PTPRN2: variants seen among roughly 807,000 people sequenced by gnomAD.
The protein encoded by PTPRN2 is receptor-type tyrosine-protein phosphatase N2.
PTPRN2 carries 74 observed loss-of-function variants against 118.8 expected under a neutral mutation model. The ratio of observed to expected loss-of-function variants is 0.62; its 90% CI spans 0.52 to 0.76. PTPRN2 has a LOEUF of 0.76. PTPRN2 is among the 30% of genes least tolerant of loss of function. The pLI, the probability that PTPRN2 is intolerant of heterozygous loss-of-function variation, is 0.00. For missense variants in PTPRN2, 1,481 were observed against 1,394.4 expected (o/e 1.06, Z -0.99); for synonymous variants, 641 against 608.0 (o/e 1.05, Z -0.80).
intron 22 of PTPRN2, among the ~76,000 whole-genome samples, chr7:157,544,060 C>T (rs918758820): frequency 2.7e-5 from 4 of 146,450 alleles, no homozygotes; most frequent in Non-Finnish European, 4.5e-5. Flanking sequence ...TGGAGAGAGA[C>T]GGAGAGAGGT....
chr7:158,175,030 G>A (rs2150632221), intron 5 of PTPRN2, among the ~76,000 whole-genome samples: 1 of 152,304 alleles, frequency 6.6e-6, no homozygotes, highest in Admixed American at 6.5e-5. Context: ...GGAGGTCCGG[G>A]GAGTCCCACA....
intron 5 of PTPRN2, among the ~76,000 whole-genome samples, chr7:158,173,781 G>T (rs1373870465): frequency 6.6e-6 from 1 of 152,192 alleles, no homozygotes; most frequent in Non-Finnish European, 1.5e-5. Context: ...ATTATTCCTT[G>T]CTGGGAAAAG....
intron 12 of PTPRN2, among the ~76,000 whole-genome samples, chr7:157,758,828 C>T (rs1397841243): frequency 6.6e-6 from 1 of 152,164 alleles, no homozygotes; most frequent in Non-Finnish European, 1.5e-5. Context: ...TCACGGGACT[C>T]CTAGTGGCTC....
intron 11 of PTPRN2, among the ~76,000 whole-genome samples, chr7:157,909,105 A>G (rs935184788): frequency 2.0e-5 from 3 of 152,208 alleles, no homozygotes; most frequent in African/African-American, 7.2e-5. Context: ...TACTCAGCCA[A>G]ACCTTACCAG....
chr7:158,021,360 C>T (rs1371552079), intron 11 of PTPRN2, among the ~76,000 whole-genome samples: 5 of 152,124 alleles, frequency 3.3e-5, no homozygotes, highest in African/African-American at 4.8e-5. Flanking sequence ...AAGATAATGA[C>T]CAATGCATAT....
intron 2 of PTPRN2, among the ~76,000 whole-genome samples, chr7:158,393,779 G>A (rs1044237671): frequency 5.7e-4 from 86 of 152,202 alleles, no homozygotes; most frequent in African/African-American, 2.0e-3. Flanking sequence ...CTTCAAGGAA[G>A]CCCACACCGT....
chr7:157,788,810 C>T (rs1049131897), intron 12 of PTPRN2, among the ~76,000 whole-genome samples: 4 of 152,096 alleles, frequency 2.6e-5, no homozygotes, highest in African/African-American at 7.2e-5. Context: ...CTCTGCCACA[C>T]GTGAGGCTGC....
chr7:157,544,046 G>A (rs1446659406), intron 22 of PTPRN2, among the ~76,000 whole-genome samples: 1 of 152,008 alleles, frequency 6.6e-6, no homozygotes, highest in Admixed American at 6.6e-5. Flanking sequence ...GAGACGGAGA[G>A]AGGTGGAGAG....
intron 12 of PTPRN2, among the ~76,000 whole-genome samples, chr7:157,879,740 A>G (rs1796008718): frequency 6.7e-6 from 1 of 150,286 alleles, no homozygotes; most frequent in Admixed American, 6.7e-5. Context: ...TAGAGTGGCC[A>G]CCTCACCCCA....
At chr7:158,308,433 A>G (rs1396293672) in intron 3 of PTPRN2, among the ~76,000 whole-genome samples, 1 of 152,250 alleles carries the variant, frequency 6.6e-6, no homozygotes, top group African/African-American at 2.4e-5. Context: ...AAAGGTCATT[A>G]TTTAGTAAAT....
At chr7:157,812,396 T>TGAGGGAGCAG (rs142022509) in intron 12 of PTPRN2, among the ~76,000 whole-genome samples, 11,112 of 146,790 alleles carry the variant, frequency 0.076, 1,266 homozygotes, top group African/African-American at 0.27. Context: ...ATGAGGGAGG[T>TGAGGGAGCAG]GAGGGAGGAG....
In PTPRN2 at chr7:158,086,249, G is replaced by A. The variant is rs371097038; in HGVS notation, c.1644-4872C>T. Among the ~76,000 whole-genome samples the A allele has an allele frequency of 2.6e-4, 39 of 151,846 alleles. No homozygotes were observed. In the East Asian group the frequency reaches 7.0e-3, roughly 27 times the overall value. ...GGGAGTTAGGAACAGGTAGCCCACC[G>A]CTCCCAGGCTGAAGCCACAATGATA... On this transcript the variant is annotated intron_variant, in intron 10 of 22. Coordinates refer to ENST00000389418, the MANE Select transcript of PTPRN2 (RefSeq NM_002847.5).
At chr7:157,908,983 T>G (rs1797928831) in intron 11 of PTPRN2, among the ~76,000 whole-genome samples, 1 of 152,192 alleles carries the variant, frequency 6.6e-6, no homozygotes, top group South Asian at 2.1e-4. Context: ...CCCAACTTTA[T>G]GAAGATCGTC....
At chr7:158,562,971 C>T (rs745554921) in intron 1 of PTPRN2, among the ~76,000 whole-genome samples, 7 of 152,188 alleles carry the variant, frequency 4.6e-5, no homozygotes, top group Non-Finnish European at 8.8e-5. Flanking sequence ...AGGCCGAGAG[C>T]GGAGTGTTTC....
chr7:157,717,726 C>T (rs559715540), intron 12 of PTPRN2, among the ~76,000 whole-genome samples: 19 of 152,356 alleles, frequency 1.2e-4, no homozygotes, highest in Admixed American at 2.6e-4. Flanking sequence ...CTGGGGTGGC[C>T]GGGGCACGCA....
Position 157,758,585 on chromosome 7 carries a change from C to T in PTPRN2, c.1789-75648G>A, listed in dbSNP as rs6965073. ...TGCTGTGCTGGGAAGGCTGCGTGCG[C>T]GGGGCATCCTCTCTTGGCCCGGGTG... On this transcript the variant is annotated intron_variant, in intron 12 of 22. Coordinates refer to ENST00000389418, the MANE Select transcript of PTPRN2 (RefSeq NM_002847.5). Among the ~76,000 whole-genome samples the T allele has an allele frequency of 3.1e-3, 475 of 152,326 alleles. 3 individuals are homozygous for T. Among genetic ancestry groups the T allele is most frequent in the African/African-American group, 0.011 (453 of 41,586 alleles).
intron 13 of PTPRN2, among the ~76,000 whole-genome samples, chr7:157,663,015 A>G (rs1213084436): frequency 6.6e-6 from 1 of 152,106 alleles, no homozygotes; most frequent in South Asian, 2.1e-4. Context: ...TGTGGCTGTC[A>G]TGGGACCAAC....
chr7:157,823,400 T>A (rs1806972965), intron 12 of PTPRN2, among the ~76,000 whole-genome samples: 1 of 152,268 alleles, frequency 6.6e-6, no homozygotes, highest in East Asian at 1.9e-4. Flanking sequence ...CACCTAGTAC[T>A]TGACAATGAG....
intron 9 of PTPRN2, among the ~76,000 whole-genome samples, chr7:158,113,326 C>G (rs1167124545): frequency 1.3e-5 from 2 of 152,112 alleles, no homozygotes; most frequent in Admixed American, 1.3e-4. Flanking sequence ...GGGGCCAACA[C>G]TGTAAGAGCT....
Sources: gnomAD v4.1 joint callset for allele counts (sites outside exome capture counted in the v4.1 genomes callset) on GRCh38, gnomAD v4.1.1 for gene constraint, MANE v1.5 for transcripts, NCBI Gene and HGNC (gene_info 2026-07-23, HGNC 2026-07-21) for gene names.